Variants in FBXW7 observed in about 807,000 individuals in gnomAD.
FBXW7 encodes the protein F-box and WD repeat domain containing 7, also known as F-box/WD repeat-containing protein 7.
A neutral mutation model predicts 86.3 loss-of-function variants in FBXW7; 11 were observed. The ratio of observed to expected loss-of-function variants is 0.13; its 90% CI spans 0.08 to 0.21. The LOEUF is 0.21. Among genes scored for constraint, FBXW7 ranks in the 10% least tolerant of loss-of-function variants. FBXW7 has a pLI of 1.00. For missense variants in FBXW7, 488 were observed against 847.4 expected, an observed-to-expected ratio of 0.58 and a Z score of 5.27; for synonymous variants, 313 against 297.9, an observed-to-expected ratio of 1.05 and a Z score of -0.52.
intron 2 of FBXW7, among the ~76,000 whole-genome samples, chr4:152,490,031 C>T (rs1306459671): frequency 6.6e-6 from 1 of 152,086 alleles, no homozygotes; most frequent in African/African-American, 2.4e-5. Flanking sequence ...GTCGCTACAA[C>T]ATGAATTAAC....
intron 4 of FBXW7, among the ~76,000 whole-genome samples, chr4:152,368,385 T>C (rs1243029378): frequency 6.6e-6 from 1 of 152,054 alleles, no homozygotes; most frequent in Non-Finnish European, 1.5e-5. Context: ...CTTCTATGTG[T>C]GTGGGATGCC....
At chr4:152,526,532 C>A (rs1053553786) in intron 2 of FBXW7, among the ~76,000 whole-genome samples, 6 of 152,044 alleles carry the variant, frequency 3.9e-5, no homozygotes, top group African/African-American at 1.4e-4. Context: ...AAAACAAAAA[C>A]TAAAATTAAG....
At chr4:152,336,364 C>T (rs1730108688) in intron 7 of FBXW7, among the ~76,000 whole-genome samples, 1 of 151,968 alleles carries the variant, frequency 6.6e-6, no homozygotes, top group African/African-American at 2.4e-5. Context: ...AACATTTTGT[C>T]TGTTAAGAAG....
chr4:152,456,376 A>C (rs868020351), intron 2 of FBXW7, among the ~76,000 whole-genome samples: 2,341 of 149,396 alleles, frequency 0.016, 88 homozygotes, highest in African/African-American at 0.055. Flanking sequence ...AAAAAAAAAA[A>C]AAAAAAAAAA....
rs146895427 is a variant in FBXW7, at chr4:152,504,350, T to C, written c.-120+30591A>G. On this transcript the variant is annotated intron_variant, in intron 2 of 13. Coordinates refer to ENST00000281708, the MANE Select transcript of FBXW7 (RefSeq NM_001349798.2). Reference sequence around the variant, plus strand: ...TAACATAAATCAACATATATAAATTTTAATTGACAGTGTTTTGCAAAGTGG... The same window carrying C: ...TAACATAAATCAACATATATAAATTCTAATTGACAGTGTTTTGCAAAGTGG... 3.6e-3 allele frequency among the ~76,000 whole-genome samples: 544 copies of C among 152,298 alleles called. 3 individuals are homozygous for C. The highest frequency in any genetic ancestry group is 0.02 in the South Asian group (96 of 4,830).
intron 2 of FBXW7, among the ~76,000 whole-genome samples, chr4:152,492,141 A>G (rs1191152622): frequency 6.6e-6 from 1 of 152,204 alleles, no homozygotes; most frequent in Non-Finnish European, 1.5e-5. Context: ...TATAAATGGA[A>G]TAATACAGTA....
At chr4:152,342,159 C>A (rs112776883) in intron 6 of FBXW7, among the ~76,000 whole-genome samples, 1 of 152,160 alleles carries the variant, frequency 6.6e-6, no homozygotes, top group Admixed American at 6.5e-5. Context: ...AATTTAAGGA[C>A]AAAATTGCAA....
chr4:152,463,294 A>G (rs1366253089), intron 2 of FBXW7, among the ~76,000 whole-genome samples: 1 of 152,142 alleles, frequency 6.6e-6, no homozygotes, highest in African/African-American at 2.4e-5. Context: ...CTGTCTCAAA[A>G]AAAAAAAGAA....
At chr4:152,455,438 T>G (rs913283132) in intron 2 of FBXW7, among the ~76,000 whole-genome samples, 2 of 152,206 alleles carry the variant, frequency 1.3e-5, no homozygotes, top group African/African-American at 2.4e-5. Flanking sequence ...TTTATGATGA[T>G]TTAGGTATTC....
chr4:152,416,405 T>C (rs1202424734), intron 2 of FBXW7, among the ~76,000 whole-genome samples: 2 of 152,188 alleles, frequency 1.3e-5, no homozygotes, highest in East Asian at 3.8e-4. Context: ...TACTAAGTCA[T>C]AATAAATCAT....
chr4:152,341,871 G>A (rs771491009), intron 6 of FBXW7, among the ~76,000 whole-genome samples: 8 of 152,138 alleles, frequency 5.3e-5, no homozygotes, highest in South Asian at 2.1e-4. Context: ...AACAATTAAC[G>A]AAGAATAGTT....
chr4:152,337,611 A>C lies in FBXW7; in HGVS notation c.861+191T>G, dbSNP rs575035997. The C allele has an allele frequency of 9.6e-5, 48 of 500,308 alleles. No homozygotes were observed. The East Asian group carries it at 1.2e-3, about 12-fold the overall frequency. The allele number at this position is 500,308 out of a possible 1,614,324, so 31.0% of individuals were successfully genotyped here. On this transcript the variant is annotated intron_variant, in intron 7 of 13. Transcript: ENST00000281708. ...GAAAGGAGTTACTTAGTTCACATGC[A>C]TTCTTTAATCTGACAATTACATTAT...
At chr4:152,399,075 A>G (rs73865432) in intron 4 of FBXW7, among the ~76,000 whole-genome samples, 2,708 of 152,218 alleles carry the variant, frequency 0.018, 92 homozygotes, top group African/African-American at 0.061. Context: ...CAGCTTTTTC[A>G]CTCACTTACT....
chr4:152,428,356 C>A (rs910295888), intron 2 of FBXW7, among the ~76,000 whole-genome samples: 1 of 152,062 alleles, frequency 6.6e-6, no homozygotes. Flanking sequence ...CAACCGGGAG[C>A]TTTTTCCTAG....
At chr4:152,441,707 A>C (rs1740908990) in intron 2 of FBXW7, among the ~76,000 whole-genome samples, 1 of 152,204 alleles carries the variant, frequency 6.6e-6, no homozygotes, top group Admixed American at 6.5e-5. Flanking sequence ...GGTTATGCCA[A>C]ATTATATCTA....
intron 2 of FBXW7, among the ~76,000 whole-genome samples, chr4:152,486,107 A>G (rs1280171436): frequency 6.6e-6 from 1 of 152,192 alleles, no homozygotes; most frequent in Non-Finnish European, 1.5e-5. Flanking sequence ...TACAGTAAAA[A>G]TACAGTATAA....
chr4:152,477,025 C>G (rs1467657317), intron 2 of FBXW7, among the ~76,000 whole-genome samples: 1 of 151,450 alleles, frequency 6.6e-6, no homozygotes, highest in East Asian at 1.9e-4. Flanking sequence ...CTTCACACTA[C>G]TATATGGGAA....
chr4:152,526,925 T>C (rs944013586), intron 2 of FBXW7, among the ~76,000 whole-genome samples: 1 of 152,232 alleles, frequency 6.6e-6, no homozygotes, highest in Non-Finnish European at 1.5e-5. Flanking sequence ...TTTAGATGTT[T>C]CTGAAAACAC....
chr4:152,381,196 G>T (rs895029187), intron 4 of FBXW7, among the ~76,000 whole-genome samples: 3 of 152,072 alleles, frequency 2.0e-5, no homozygotes, highest in Non-Finnish European at 4.4e-5. Context: ...TGAAGGTTAA[G>T]TTCCAGCAAA....
Sources: gnomAD v4.1 joint callset for allele counts (sites outside exome capture counted in the v4.1 genomes callset) on GRCh38, gnomAD v4.1.1 for gene constraint, MANE v1.5 for transcripts, NCBI Gene and HGNC (gene_info 2026-07-23, HGNC 2026-07-21) for gene names.